The following ANKDD1B variants were observed in gnomAD, a reference collection of about 807,000 sequenced individuals.
ANKDD1B encodes the protein ankyrin repeat and death domain containing 1B, also known as ankyrin repeat and death domain-containing protein 1B.
A neutral mutation model predicts 59.7 loss-of-function variants in ANKDD1B; 57 were observed. The ratio of observed to expected loss-of-function variants is 0.95; its 90% CI spans 0.77 to 1.19. The LOEUF is 1.19. Ranked by LOEUF, ANKDD1B falls within the 50% of genes most tolerant of loss-of-function variation. The pLI, the probability that ANKDD1B is intolerant of heterozygous loss-of-function variation, is 0.00. For missense variants in ANKDD1B, 602 were observed against 641.9 expected, an observed-to-expected ratio of 0.94 and a Z score of 0.67; for synonymous variants, 216 against 239.5, an observed-to-expected ratio of 0.90 and a Z score of 0.91.
intron 2 of ANKDD1B, among the ~76,000 whole-genome samples, chr5:75,618,192 C>T (rs1581128416): frequency 6.6e-6 from 1 of 151,982 alleles, no homozygotes; most frequent in African/African-American, 2.4e-5. Context: ...AAGAAATAAG[C>T]AAGTCTCTTT....
At chr5:75,612,506 C>T (rs143185711) in intron 1 of ANKDD1B, among the ~76,000 whole-genome samples, 13 of 151,964 alleles carry the variant, frequency 8.6e-5, no homozygotes, top group Non-Finnish European at 1.8e-4. Context: ...CTGGCTGGGA[C>T]GGCCTTATTT....
chr5:75,611,820 CG>C lies in ANKDD1B; in HGVS notation c.187del (p.Glu63SerfsTer35), dbSNP rs1453722888. On this transcript the variant is annotated frameshift_variant, in exon 1 of 14. Transcript: ENST00000601380. LOFTEE classifies it high-confidence loss of function. ...GEEDTAVAGHELLLPNERSFQ... is the reference protein window; with the variant it reads ...GEEDTAVAGHXLLLPNERSFQ... The stretch of plus-strand genomic sequence containing the variant: ...AGGAGGACACAGCAGTTGCCGGACA[CG>C]AGCTCCGTGAGTCCCGGGACGAGGT... 1.5e-5 allele frequency: 19 copies of C among 1,231,798 alleles called. No individual in the cohort carries two copies. The highest frequency in any genetic ancestry group is 3.1e-5 in the African/African-American group (2 of 64,388). The allele number at this position is 1,231,798 out of a possible 1,614,324, so 76.3% of individuals were successfully genotyped here. A position where few individuals can be genotyped will look rare whatever the true frequency, so the allele number is the denominator to read the frequency against.
rs28493912 is a variant in ANKDD1B, at chr5:75,671,339, C to A, written c.*299C>A. 0.11 allele frequency: 23,959 copies of A among 214,718 alleles called. 1,765 individuals are homozygous for A. Among genetic ancestry groups the A allele is most frequent in the African/African-American group, 0.22 (9,833 of 44,194 alleles). The allele number at this position is 214,718 out of a possible 1,614,324, so 13.3% of individuals were successfully genotyped here. On this transcript the variant is annotated 3_prime_UTR_variant, in exon 14 of 14. Coordinates refer to ENST00000601380, the MANE Select transcript of ANKDD1B (RefSeq NM_001276713.2). ...GTATGTCATGTTTTTTTAAAAAACT[C>A]ATGGGAGCAGCATCATGGTACAGTA...
chr5:75,623,170 C>T (rs544413185), intron 3 of ANKDD1B, among the ~76,000 whole-genome samples: 46 of 152,216 alleles, frequency 3.0e-4, no homozygotes, highest in Middle Eastern at 3.4e-3. Context: ...CCTCCTCTTC[C>T]CAGGTTCAAG....
At chr5:75,650,840 G>A (rs977527144) in intron 7 of ANKDD1B, among the ~76,000 whole-genome samples, 2 of 152,146 alleles carry the variant, frequency 1.3e-5, no homozygotes, top group African/African-American at 4.8e-5. Context: ...CAGCTGAGAG[G>A]ATTCTTAGTT....
chr5:75,616,778 G>GT, intron 1 of ANKDD1B, 26 bp from the exon 2 acceptor site: 1 of 1,200,734 alleles, frequency 8.3e-7, no homozygotes, highest in Non-Finnish European at 1.2e-6. Context: ...AATTCCCTCA[G>GT]TCATGCTTGC....
intron 9 of ANKDD1B, 113 bp downstream of exon 9, chr5:75,656,240 A>G: frequency 1.9e-6 from 1 of 535,008 alleles, no homozygotes; most frequent in East Asian, 3.2e-5. Context: ...TGGGAGGAAC[A>G]TGAGCATCCT....
Position 75,611,575 on chromosome 5 carries a change from GGTCTGGATCTGGGTCCGA to G in ANKDD1B, c.-53_-36del, listed in dbSNP as rs954852214. On this transcript the variant is annotated 5_prime_UTR_variant, in exon 1 of 14. Transcript: ENST00000601380. ...GGGTCTGGATCTGTGTCCGAGTCTG[GGTCTGGATCTGGGTCCGA>G]GTCTGGGTCTGGCCCTGCGCTCAGG... 1 of 1,077,692 alleles carries G rather than the reference GGTCTGGATCTGGGTCCGA, an allele frequency of 9.3e-7. No homozygotes were observed. Among genetic ancestry groups the G allele is most frequent in the African/African-American group, 1.7e-5 (1 of 59,888 alleles). 66.8% of individuals were successfully genotyped at this position (1,077,692 alleles called of 1,614,324 possible). A position where few individuals can be genotyped will look rare whatever the true frequency, so the allele number is the denominator to read the frequency against.
At position 75,625,968 on chromosome 5, in the gene ANKDD1B, T is replaced by A; in HGVS notation, c.600+13T>A. ...CCAGCCTGATGAGGTGTGTTCACTTTGGTTGTGTAGGTCTTGCATACACCC... is the reference window on the plus strand; with the variant it reads ...CCAGCCTGATGAGGTGTGTTCACTTAGGTTGTGTAGGTCTTGCATACACCC... On this transcript the variant is annotated intron_variant, in intron 5 of 13. Transcript: ENST00000601380. 1 of 1,522,534 alleles carries A rather than the reference T, an allele frequency of 6.6e-7. No individual in the cohort carries two copies. 94.3% of individuals were successfully genotyped at this position (1,522,534 alleles called of 1,614,324 possible). A position where few individuals can be genotyped will look rare whatever the true frequency, so the allele number is the denominator to read the frequency against.
intron 7 of ANKDD1B, among the ~76,000 whole-genome samples, chr5:75,648,274 A>AATT (rs1554068911): frequency 2.0e-5 from 3 of 147,914 alleles, no homozygotes; most frequent in Non-Finnish European, 4.5e-5. Context: ...AATTAAAAAA[A>AATT]AAAAAAAAAG....
intron 7 of ANKDD1B, 40 bp from the exon 8 acceptor site, chr5:75,653,099 TATA>T (rs1416416340): frequency 2.3e-6 from 3 of 1,326,804 alleles, no homozygotes; most frequent in African/African-American, 2.9e-5. Context: ...CATGCTGAAT[TATA>T]ATGAGAGTTC....
chr5:75,661,440 CT>C (rs1775148726), intron 10 of ANKDD1B, among the ~76,000 whole-genome samples: 2 of 139,422 alleles, frequency 1.4e-5, no homozygotes, highest in Non-Finnish European at 3.0e-5. Flanking sequence ...CACAGGCCCA[CT>C]GTGGACGATT....
chr5:75,637,233 T>A (rs1269495574), intron 7 of ANKDD1B, among the ~76,000 whole-genome samples: 1 of 76,616 alleles, frequency 1.3e-5, no homozygotes, highest in Non-Finnish European at 2.3e-5. Context: ...CGACAGAGAC[T>A]CTGTCTCAAA....
chr5:75,615,045 A>G (rs984976), intron 1 of ANKDD1B, among the ~76,000 whole-genome samples: 83,084 of 152,078 alleles, frequency 0.55, 25,920 homozygotes, highest in African/African-American at 0.87. Context: ...TTATGGCAGC[A>G]AAAACAGACT....
intron 5 of ANKDD1B, among the ~76,000 whole-genome samples, chr5:75,632,980 A>G (rs1464568747): frequency 6.6e-6 from 1 of 152,238 alleles, no homozygotes; most frequent in Non-Finnish European, 1.5e-5. Context: ...TTCATCTGGT[A>G]TATAATCACT....
intron 3 of ANKDD1B, among the ~76,000 whole-genome samples, chr5:75,624,832 A>G (rs1291757605): frequency 1.3e-5 from 2 of 152,202 alleles, no homozygotes; most frequent in African/African-American, 4.8e-5. Context: ...GGTTTTGTTA[A>G]TCACTCCTTT....
chr5:75,642,000 G>C (rs1009826260), intron 7 of ANKDD1B, among the ~76,000 whole-genome samples: 3 of 152,114 alleles, frequency 2.0e-5, no homozygotes, highest in Admixed American at 2.0e-4. Flanking sequence ...AAATTATGTA[G>C]CTGTTAAAAA....
intron 10 of ANKDD1B, among the ~76,000 whole-genome samples, chr5:75,661,578 G>A (rs756580719): frequency 4.6e-5 from 7 of 151,994 alleles, no homozygotes; most frequent in Non-Finnish European, 8.8e-5. Context: ...ATTTTTTAAT[G>A]CTGTTGTTTT....
At chr5:75,624,438 T>C (rs1206137351) in intron 3 of ANKDD1B, among the ~76,000 whole-genome samples, 2 of 152,176 alleles carry the variant, frequency 1.3e-5, no homozygotes, top group African/African-American at 2.4e-5. Flanking sequence ...CTGGCTATGC[T>C]TCCTTCCACA....
Sources: allele counts gnomAD v4.1 joint callset (sites outside exome capture counted in the v4.1 genomes callset), GRCh38; gene constraint gnomAD v4.1.1; transcripts MANE v1.5; gene names NCBI Gene and HGNC (gene_info 2026-07-23, HGNC 2026-07-21).